The following FKTN variants were observed in gnomAD, a reference collection of about 807,000 sequenced individuals.
FKTN encodes ribitol-5-phosphate transferase FKTN.
FKTN carries 47 observed loss-of-function variants against 58.6 expected under a neutral mutation model. That is an observed-to-expected ratio of 0.80 (90% CI 0.63 to 1.02). The LOEUF is 1.02. FKTN is among the 50% of genes least tolerant of loss of function. The pLI, the probability that FKTN is intolerant of heterozygous loss-of-function variation, is 0.00. For synonymous variants in FKTN, 178 were observed against 191.9 expected, an observed-to-expected ratio of 0.93 and a Z score of 0.60; for missense variants, 516 against 537.3, an observed-to-expected ratio of 0.96 and a Z score of 0.39.
intron 3 of FKTN, among the ~76,000 whole-genome samples, chr9:105,578,815 T>G (rs1261924149): frequency 2.6e-5 from 4 of 151,930 alleles, no homozygotes; most frequent in African/African-American, 9.6e-5. Context: ...TTTTTTTGGT[T>G]GGTAAGCTAT....
intron 7 of FKTN, among the ~76,000 whole-genome samples, chr9:105,608,231 A>G (rs1283218243): frequency 6.6e-6 from 1 of 152,228 alleles, no homozygotes; most frequent in Non-Finnish European, 1.5e-5. Context: ...GCCTTAAGAT[A>G]GCCCATTAAC....
intron 1 of FKTN, among the ~76,000 whole-genome samples, chr9:105,568,134 A>C (rs1840038236): frequency 6.6e-6 from 1 of 152,140 alleles, no homozygotes; most frequent in Non-Finnish European, 1.5e-5. Flanking sequence ...CTTATACAAA[A>C]ATTAATTCAA....
intron 8 of FKTN, among the ~76,000 whole-genome samples, chr9:105,616,797 G>C (rs1441761260): frequency 2.0e-5 from 3 of 151,312 alleles, no homozygotes; most frequent in Non-Finnish European, 2.9e-5. Flanking sequence ...CATAAACTGG[G>C]ATATACGGTT....
chr9:105,618,661 T>C (rs749407672), intron 9 of FKTN, among the ~76,000 whole-genome samples: 1 of 152,208 alleles, frequency 6.6e-6, no homozygotes, highest in South Asian at 2.1e-4. Context: ...GGGGCCTAGA[T>C]GAAATCTCCC....
At chr9:105,570,152 T>TA (rs1380733366) in intron 1 of FKTN, among the ~76,000 whole-genome samples, 2 of 152,112 alleles carry the variant, frequency 1.3e-5, no homozygotes, top group African/African-American at 4.8e-5. Context: ...CTTTTTTTTT[T>TA]ATATTTCAAA....
intron 10 of FKTN, among the ~76,000 whole-genome samples, chr9:105,626,345 A>G (rs1487345344): frequency 6.6e-6 from 1 of 152,194 alleles, no homozygotes; most frequent in East Asian, 1.9e-4. Context: ...AGGTACCAGC[A>G]TGGTCAGGTT....
At chr9:105,568,160 T>G (rs1219989223) in intron 1 of FKTN, among the ~76,000 whole-genome samples, 2 of 152,094 alleles carry the variant, frequency 1.3e-5, no homozygotes, top group Non-Finnish European at 2.9e-5. Context: ...ATTAAAGACT[T>G]AAATGTTAGA....
At chr9:105,597,259 T>C (rs1156243638) in intron 4 of FKTN, among the ~76,000 whole-genome samples, 1 of 152,182 alleles carries the variant, frequency 6.6e-6, no homozygotes, top group African/African-American at 2.4e-5. Context: ...CAGATATTTC[T>C]TGATACACTT....
At chr9:105,591,848 T>G (rs1441305814) in intron 3 of FKTN, among the ~76,000 whole-genome samples, 1 of 152,220 alleles carries the variant, frequency 6.6e-6, no homozygotes, top group Non-Finnish European at 1.5e-5. Context: ...CCATACATCC[T>G]CTGAAATCTA....
rs2518127 is a variant in FKTN at position 105,593,333 on chromosome 9, C to A, written c.106-3265C>A. 9.1e-3 allele frequency among the ~76,000 whole-genome samples: 1,379 copies of A among 152,138 alleles called. 22 individuals are homozygous for A. Among genetic ancestry groups the A allele is most frequent in the African/African-American group, 0.032 (1,321 of 41,508 alleles). On this transcript the variant is annotated intron_variant, in intron 3 of 10. Transcript: ENST00000357998. ...AGCACCAAAGGGATGGTGCTAAATC[C>A]GTCACGAGAAACTGTTTACATGATA...
chr9:105,601,496 A>G (rs985035847), intron 5 of FKTN, 148 bp downstream of exon 5: 34 of 631,910 alleles, frequency 5.4e-5, no homozygotes, highest in Admixed American at 3.9e-4. Flanking sequence ...AAATAACAAT[A>G]CAACTAATCA....
rs373660670 is a variant in FKTN, at chr9:105,611,723, C to T, written c.781-3555C>T. Among the ~76,000 whole-genome samples the T allele has an allele frequency of 7.9e-5, 12 of 152,262 alleles. No individual in the cohort carries two copies. The East Asian group carries it at 1.5e-3, about 20-fold the overall frequency. On this transcript the variant is annotated intron_variant, in intron 7 of 10. Transcript: ENST00000357998. The stretch of plus-strand genomic sequence containing the variant: ...AGTATTCCATGGTGTATATATACTA[C>T]ATTTTATTTATCCAGTCTATCATTG...
At chr9:105,572,648 G>A (rs1008769887) in intron 1 of FKTN, among the ~76,000 whole-genome samples, 1 of 152,204 alleles carries the variant, frequency 6.6e-6, no homozygotes, top group African/African-American at 2.4e-5. Context: ...AAGAGTGAAT[G>A]AGGAAGTGCA....
chr9:105,614,839 A>G (rs1830518783), intron 7 of FKTN, among the ~76,000 whole-genome samples: 1 of 151,982 alleles, frequency 6.6e-6, no homozygotes, highest in African/African-American at 2.4e-5. Flanking sequence ...TTTATAATAT[A>G]AAAAGATTAT....
chr9:105,567,140 A>T (rs192335550), intron 1 of FKTN, among the ~76,000 whole-genome samples: 5 of 152,314 alleles, frequency 3.3e-5, no homozygotes, highest in African/African-American at 1.2e-4. Flanking sequence ...TATTGATGGG[A>T]CGTATCTCAA....
At chr9:105,589,674 C>T (rs1215021854) in intron 3 of FKTN, among the ~76,000 whole-genome samples, 11 of 151,990 alleles carry the variant, frequency 7.2e-5, no homozygotes, top group Non-Finnish European at 2.9e-5. Flanking sequence ...ATGAATATTT[C>T]ATGGATGAAA....
rs1485613887 is a variant in FKTN, at chr9:105,635,149, G to GT, written c.1272dup (p.Lys425Ter). The GT allele has an allele frequency of 1.4e-5, 23 of 1,614,054 alleles. No homozygotes were observed. The highest frequency in any genetic ancestry group is 1.9e-5 in the Non-Finnish European group (22 of 1,179,930). On this transcript the variant is annotated frameshift_variant, in exon 11 of 11. Coordinates refer to ENST00000357998, the MANE Select transcript of FKTN (RefSeq NM_001079802.2). LOFTEE classifies it high-confidence loss of function. ...CTCGAATACATTGAAGCCAACTATG[G>GT]TAAGACCTGGAAGATTCCTGTAAAG...
chr9:105,639,882 C>A lies in FKTN; in HGVS notation c.*4618C>A. ...GATTTGGTACCTGCTCTCCCCTGGA[C>A]TTCTTTTTCAATATTCTAGCCTTTC... On this transcript the variant is annotated 3_prime_UTR_variant, in exon 11 of 11. Transcript: ENST00000357998. The A allele has an allele frequency of 7.1e-7, 1 of 1,399,082 alleles. No homozygotes were observed. Among genetic ancestry groups the A allele is most frequent in the Non-Finnish European group, 9.3e-7 (1 of 1,081,076 alleles). 86.7% of individuals were successfully genotyped at this position (1,399,082 alleles called of 1,614,324 possible).
At chr9:105,562,488 C>G (rs1433667273) in intron 1 of FKTN, among the ~76,000 whole-genome samples, 1 of 152,132 alleles carries the variant, frequency 6.6e-6, no homozygotes, top group Non-Finnish European at 1.5e-5. Context: ...CTCAAAAGAC[C>G]AATCTTAGGT....
Sources: allele counts gnomAD v4.1 joint callset (sites outside exome capture counted in the v4.1 genomes callset), GRCh38; gene constraint gnomAD v4.1.1; transcripts MANE v1.5; gene names NCBI Gene and HGNC (gene_info 2026-07-23, HGNC 2026-07-21).